FAM117B: variants seen among roughly 807,000 people sequenced by gnomAD.
The protein encoded by FAM117B is family with sequence similarity 117 member B.
Under a neutral mutation model 52.8 loss-of-function variants are expected in FAM117B, and 22 were observed. The ratio of observed to expected loss-of-function variants is 0.42; its 90% CI spans 0.30 to 0.59. FAM117B has a LOEUF of 0.59. Ranked by LOEUF, FAM117B falls within the 20% of genes least tolerant of loss-of-function variation. The probability of loss-of-function intolerance (pLI) is 0.22; values close to 1 mark genes in which losing one functional copy is unlikely to be tolerated. For missense variants in FAM117B, 678 were observed against 802.6 expected (o/e 0.84, Z 1.88); for synonymous variants, 309 against 324.1 (o/e 0.95, Z 0.50).
chr2:202,697,935 T>C (rs1690737341), intron 2 of FAM117B, among the ~76,000 whole-genome samples: 1 of 152,176 alleles, frequency 6.6e-6, no homozygotes, highest in East Asian at 1.9e-4. Flanking sequence ...AGGGGCACAA[T>C]CTTGGCTCAC....
intron 1 of FAM117B, among the ~76,000 whole-genome samples, chr2:202,691,543 A>G (rs1310317470): frequency 6.6e-6 from 1 of 152,156 alleles, no homozygotes; most frequent in Non-Finnish European, 1.5e-5. Flanking sequence ...AGGTCTGTTG[A>G]ATTAATGTAC....
At chr2:202,740,174 CAAAAAAAAAAA>C (rs67479326) in intron 4 of FAM117B, among the ~76,000 whole-genome samples, 24 of 100,610 alleles carry the variant, frequency 2.4e-4, no homozygotes, top group African/African-American at 7.7e-4. Context: ...CTTCATCCCC[CAAAAAAAAAAA>C]AAAAAAAAAA....
intron 4 of FAM117B, among the ~76,000 whole-genome samples, chr2:202,726,655 A>G (rs1054483017): frequency 6.6e-6 from 1 of 152,074 alleles, no homozygotes; most frequent in Admixed American, 6.6e-5. Context: ...TGACACAGAG[A>G]ATTAAGCATT....
In FAM117B at chr2:202,765,397, T is replaced by G. The variant is rs780848553; in HGVS notation, c.1452-49T>G. The G allele has an allele frequency of 8.7e-6, 13 of 1,493,642 alleles. No individual in the cohort carries two copies. The South Asian group carries it at 1.7e-4, about 20-fold the overall frequency. 92.5% of individuals were successfully genotyped at this position (1,493,642 alleles called of 1,614,324 possible). Reference sequence around the variant, plus strand: ...TTCCAAGCTTTTTTTTTTTTTTATTTTTTAAGTTCAGTGACTTAAAAGCAT... The same window carrying G: ...TTCCAAGCTTTTTTTTTTTTTTATTGTTTAAGTTCAGTGACTTAAAAGCAT... On this transcript the variant is annotated intron_variant, in intron 7 of 7. Transcript: ENST00000392238.
chr2:202,698,623 A>G (rs1471796779), intron 2 of FAM117B, among the ~76,000 whole-genome samples: 1 of 151,988 alleles, frequency 6.6e-6, no homozygotes, highest in Non-Finnish European at 1.5e-5. Context: ...GAGTTTCACC[A>G]TATTGGTCAG....
chr2:202,694,747 C>A (rs1215552560), intron 1 of FAM117B, among the ~76,000 whole-genome samples: 3 of 152,090 alleles, frequency 2.0e-5, no homozygotes, highest in African/African-American at 7.2e-5. Context: ...GGCAAGGGAT[C>A]AATTAGCAAG....
At chr2:202,750,174 GTCC>G (rs1212856116) in intron 4 of FAM117B, among the ~76,000 whole-genome samples, 1 of 152,138 alleles carries the variant, frequency 6.6e-6, no homozygotes, top group African/African-American at 2.4e-5. Flanking sequence ...ACTCTCTGGT[GTCC>G]TCTTGGACCG....
rs146494093 is a variant in FAM117B at position 202,743,699 on chromosome 2, A to C, written c.961-11839A>C. ...AATAAAAGAGATAGATAGATTAAAA[A>C]GAACCAAACAAATCATGGAGCTGAA... is the stretch of plus-strand genomic sequence containing the variant. On this transcript the variant is annotated intron_variant, in intron 4 of 7. Coordinates refer to ENST00000392238, the MANE Select transcript of FAM117B (RefSeq NM_173511.4). Among the ~76,000 whole-genome samples, 352 of 152,364 alleles carry C rather than the reference A, an allele frequency of 2.3e-3. 7 individuals carry two copies. Among genetic ancestry groups the C allele is most frequent in the Admixed American group, 0.021 (318 of 15,306 alleles).
rs1415612282 is a variant in FAM117B at position 202,635,609 on chromosome 2, CGCCGCCGCCGCCGCTGCTGGGCACCGT to C, written c.424_450del (p.Pro142_Val150del). On this transcript the variant is annotated inframe_deletion, in exon 1 of 8. Transcript: ENST00000392238. ...GCTCGCGGGAGCCCCCCACGGCCGC[CGCCGCCGCCGCCGCTGCTGGGCACCGT>C]GTCGTCGCCCAGCTCGTCGCCCACC... 1.6e-6 allele frequency: 2 copies of C among 1,285,364 alleles called. No homozygotes were observed. Among genetic ancestry groups the C allele is most frequent in the Non-Finnish European group, 2.0e-6 (2 of 1,021,908 alleles). 79.6% of individuals were successfully genotyped at this position (1,285,364 alleles called of 1,614,324 possible). A position where few individuals can be genotyped will look rare whatever the true frequency, so the allele number is the denominator to read the frequency against.
chr2:202,662,061 A>G (rs571995327), intron 1 of FAM117B, among the ~76,000 whole-genome samples: 1 of 152,286 alleles, frequency 6.6e-6, no homozygotes, highest in Non-Finnish European at 1.5e-5. Context: ...AATAGCCAAG[A>G]TAAGGAATTA....
In FAM117B at chr2:202,765,984, T is replaced by C; in HGVS notation, c.*220T>C. 1 of 556,200 alleles carries C rather than the reference T, an allele frequency of 1.8e-6. No individual in the cohort carries two copies. 34.5% of individuals were successfully genotyped at this position (556,200 alleles called of 1,614,324 possible). On this transcript the variant is annotated 3_prime_UTR_variant, in exon 8 of 8. Coordinates refer to ENST00000392238, the MANE Select transcript of FAM117B (RefSeq NM_173511.4). ...AGCCTGCTTTTTATCAAAGCACTGA[T>C]TGAAACAAGAAAGGTCTCATTCTTT...
chr2:202,762,212 T>G (rs892772681), intron 7 of FAM117B, among the ~76,000 whole-genome samples: 1 of 152,226 alleles, frequency 6.6e-6, no homozygotes, highest in African/African-American at 2.4e-5. Flanking sequence ...ACTTTTGCTT[T>G]AAAGTACTAA....
chr2:202,644,358 C>T (rs937445098), intron 1 of FAM117B, among the ~76,000 whole-genome samples: 6 of 151,966 alleles, frequency 3.9e-5, no homozygotes, highest in African/African-American at 1.4e-4. Context: ...CAAATTTATC[C>T]CTAAGAAAGT....
At chr2:202,640,342 A>ATG (rs1689753179) in intron 1 of FAM117B, among the ~76,000 whole-genome samples, 1 of 114,856 alleles carries the variant, frequency 8.7e-6, no homozygotes, top group Admixed American at 9.3e-5. Context: ...ATATATATAT[A>ATG]TGGCAAGTCG....
intron 2 of FAM117B, among the ~76,000 whole-genome samples, chr2:202,704,766 A>G (rs1215949191): frequency 6.6e-6 from 1 of 151,594 alleles, no homozygotes; most frequent in Non-Finnish European, 1.5e-5. Context: ...TAATATATAT[A>G]TATATAGTAT....
At chr2:202,642,996 G>A (rs1689793670) in intron 1 of FAM117B, among the ~76,000 whole-genome samples, 1 of 152,234 alleles carries the variant, frequency 6.6e-6, no homozygotes, top group Admixed American at 6.5e-5. Context: ...ATGTCGTGAA[G>A]TAGGCTGAGC....
At chr2:202,682,442 C>G (rs565321705) in intron 1 of FAM117B, among the ~76,000 whole-genome samples, 1 of 152,194 alleles carries the variant, frequency 6.6e-6, no homozygotes, top group Non-Finnish European at 1.5e-5. Flanking sequence ...AACCACTGCA[C>G]TCTCTCACCT....
intron 1 of FAM117B, among the ~76,000 whole-genome samples, chr2:202,638,632 G>C (rs1689721430): frequency 6.6e-6 from 1 of 152,068 alleles, no homozygotes; most frequent in African/African-American, 2.4e-5. Context: ...TCAAAGTGTA[G>C]TCTGTGGTTT....
At chr2:202,704,878 C>CA (rs1304698774) in intron 2 of FAM117B, among the ~76,000 whole-genome samples, 1 of 151,942 alleles carries the variant, frequency 6.6e-6, no homozygotes, top group Non-Finnish European at 1.5e-5. Context: ...TGGTGTATTG[C>CA]AGGTGTGAGC....
Sources: gnomAD v4.1 joint callset for allele counts (sites outside exome capture counted in the v4.1 genomes callset) on GRCh38, gnomAD v4.1.1 for gene constraint, MANE v1.5 for transcripts, NCBI Gene and HGNC (gene_info 2026-07-23, HGNC 2026-07-21) for gene names.